CCDC158: variants seen among roughly 807,000 people sequenced by gnomAD.
CCDC158 encodes the protein coiled-coil domain containing 158, also known as coiled-coil domain-containing protein 158.
A neutral mutation model predicts 138.6 loss-of-function variants in CCDC158; 116 were observed. The ratio of observed to expected loss-of-function variants is 0.84; its 90% confidence interval spans 0.72 to 0.98. The LOEUF (loss-of-function observed/expected upper bound fraction) is 0.98, where lower values mean the gene tolerates loss of function less well. Ranked by LOEUF, CCDC158 falls within the 50% of genes least tolerant of loss-of-function variation. CCDC158 has a pLI of 0.00. For missense variants in CCDC158, 1,265 were observed against 1,306.1 expected (o/e 0.97, Z 0.48); for synonymous variants, 436 against 442.4 (o/e 0.99, Z 0.18).
At chr4:76,321,923 G>A (rs1414208803) in intron 24 of CCDC158, among the ~76,000 whole-genome samples, 2 of 151,382 alleles carry the variant, frequency 1.3e-5, no homozygotes, top group Non-Finnish European at 2.9e-5. Flanking sequence ...AACAAACATT[G>A]TATGTTCTCA....
Position 76,334,107 on chromosome 4 carries a change from G to T in CCDC158, c.2725C>A (p.Gln909Lys). 1.2e-6 allele frequency: 2 copies of T among 1,613,384 alleles called. No homozygotes were observed. The highest frequency in any genetic ancestry group is 1.7e-6 in the Non-Finnish European group (2 of 1,179,412). The change falls in exon 19 of 25, where the codon CAA becomes AAA. Residue 909 changes from glutamine (Q) to lysine (K), a missense_variant. Coordinates refer to ENST00000682701, the MANE Select transcript of CCDC158 (RefSeq NM_001394954.1). ...DPTRDLKQLL[Q>K]ELRSVINEEP... is the part of the protein sequence containing the mutation. Reference sequence around the variant, plus strand: ...TCATTGATCACGCTTCTCAACTCTTGGAGAAGCTGTTTCAGGTCCCTTGTT... The same window carrying T: ...TCATTGATCACGCTTCTCAACTCTTTGAGAAGCTGTTTCAGGTCCCTTGTT...
chr4:76,393,994 G>GATAT (rs1727544498), intron 4 of CCDC158, among the ~76,000 whole-genome samples: 1 of 152,034 alleles, frequency 6.6e-6, no homozygotes. Flanking sequence ...TGCTGGCAAG[G>GATAT]ATATGGAGAA....
At chr4:76,343,041 G>T (rs184074813) in intron 18 of CCDC158, among the ~76,000 whole-genome samples, 1 of 152,134 alleles carries the variant, frequency 6.6e-6, no homozygotes, top group Non-Finnish European at 1.5e-5. Context: ...TTTGGGTAAG[G>T]TTGAACCAAA....
In CCDC158 at chr4:76,370,812, T is replaced by C. The variant is rs939442098; in HGVS notation, c.1149+605A>G. On this transcript the variant is annotated intron_variant, in intron 10 of 24. Transcript: ENST00000682701. ...CTCTACACAGCTCTCAGTTCTATCC[T>C]TACCTCAGCTCATCAAACCCTTGTC... 2.6e-5 allele frequency among the ~76,000 whole-genome samples: 4 copies of C among 152,326 alleles called. No homozygotes were observed. The South Asian group carries it at 8.3e-4, about 32-fold the overall frequency.
At chr4:76,315,396 A>C (rs1458214309) in intron 24 of CCDC158, among the ~76,000 whole-genome samples, 1 of 152,188 alleles carries the variant, frequency 6.6e-6, no homozygotes, top group Non-Finnish European at 1.5e-5. Flanking sequence ...TCACCCGATA[A>C]ACCCAAATAC....
chr4:76,329,532 C>A (rs916694476), intron 21 of CCDC158, among the ~76,000 whole-genome samples: 1 of 152,020 alleles, frequency 6.6e-6, no homozygotes, highest in African/African-American at 2.4e-5. Context: ...TGCAGTGAGC[C>A]GAGATCACGC....
intron 18 of CCDC158, chr4:76,344,565 C>G: frequency 2.7e-6 from 3 of 1,105,448 alleles, no homozygotes; most frequent in Middle Eastern, 2.9e-4. Context: ...ATCTGTATCT[C>G]TGGACCTGAA....
chr4:76,377,867 A>C (rs767542400), intron 9 of CCDC158, among the ~76,000 whole-genome samples: 2 of 152,212 alleles, frequency 1.3e-5, no homozygotes, highest in Non-Finnish European at 2.9e-5. Flanking sequence ...CCCCCAATAA[A>C]TTATGAAATC....
At chr4:76,328,618 G>A (rs1353246496) in intron 22 of CCDC158, among the ~76,000 whole-genome samples, 1 of 152,170 alleles carries the variant, frequency 6.6e-6, no homozygotes, top group Admixed American at 6.5e-5. Context: ...TGACAATTAA[G>A]TCCCACTGGG....
At chr4:76,374,310 A>G (rs1381837974) in intron 9 of CCDC158, among the ~76,000 whole-genome samples, 1 of 152,222 alleles carries the variant, frequency 6.6e-6, no homozygotes, top group African/African-American at 2.4e-5. Flanking sequence ...CACTTTTGTT[A>G]TTATCAGGAA....
At position 76,371,460 on chromosome 4, in the gene CCDC158, C is replaced by A. The variant is rs377168155; in HGVS notation, c.1106G>T (p.Ser369Ile). 1 of 1,614,092 alleles carries A rather than the reference C, an allele frequency of 6.2e-7. No individual in the cohort carries two copies. The highest frequency in any genetic ancestry group is 1.1e-5 in the South Asian group (1 of 91,076). ...TEARTERDQF[S>I]QESGNLDDQL... ...ATCATCTAAATTTCCAGATTCCTGA[C>A]TGAATTGATCACGCTCTGTCCGGGC... The change falls in exon 10 of 25, where the codon AGT (serine) becomes ATT (isoleucine). Residue 369 changes from serine to isoleucine, a missense_variant. Ser to Ile is a moderately radical substitution (Grantham distance 142). Coordinates refer to ENST00000682701, the MANE Select transcript of CCDC158 (RefSeq NM_001394954.1).
Position 76,328,908 on chromosome 4 carries a change from G to A in CCDC158, c.3002C>T (p.Thr1001Ile), listed in dbSNP as rs750186591. The A allele has an allele frequency of 5.0e-6, 8 of 1,613,470 alleles. No homozygotes were observed. In the South Asian group the frequency reaches 6.6e-5, roughly 13 times the overall value. ...REDPSGCFTF[T>I]SAASPSVKNS... ...TTTCATTGGAAACTCACCTGCAGAT[G>A]TGAATGTGAAGCAACCAGAGGGATC... Residue 1001 changes from threonine to isoleucine, a missense_variant, in exon 22 of 25, where the codon ACA becomes ATA. Coordinates refer to ENST00000682701, the MANE Select transcript of CCDC158 (RefSeq NM_001394954.1).
At chr4:76,372,214 G>A (rs1725314186) in intron 9 of CCDC158, among the ~76,000 whole-genome samples, 1 of 152,214 alleles carries the variant, frequency 6.6e-6, no homozygotes, top group East Asian at 1.9e-4. Flanking sequence ...CAAGGCAGGA[G>A]GATCCCTTGA....
intron 4 of CCDC158, among the ~76,000 whole-genome samples, chr4:76,391,055 T>G (rs1727268487): frequency 6.6e-6 from 1 of 151,984 alleles, no homozygotes; most frequent in Non-Finnish European, 1.5e-5. Context: ...CACCCCACTT[T>G]CAGGACTGGA....
chr4:76,419,639 T>C (rs917390581), intron 1 of CCDC158, among the ~76,000 whole-genome samples: 1 of 152,092 alleles, frequency 6.6e-6, no homozygotes, highest in African/African-American at 2.4e-5. Context: ...TGTGGTCACA[T>C]TGCCTTCTCT....
intron 9 of CCDC158, among the ~76,000 whole-genome samples, chr4:76,371,810 C>A (rs529744861): frequency 2.0e-5 from 3 of 151,814 alleles, no homozygotes; most frequent in African/African-American, 4.8e-5. Context: ...TGGTAGTGGG[C>A]GCCTGTAATC....
intron 4 of CCDC158, among the ~76,000 whole-genome samples, chr4:76,395,097 G>A (rs1727655593): frequency 6.6e-6 from 1 of 152,140 alleles, no homozygotes; most frequent in African/African-American, 2.4e-5. Context: ...GGCCAATTAA[G>A]TGTCATATAC....
chr4:76,319,640 C>T (rs559398525), intron 24 of CCDC158, among the ~76,000 whole-genome samples: 41 of 150,664 alleles, frequency 2.7e-4, no homozygotes, highest in Non-Finnish European at 5.0e-4. Context: ...GTTTAACCTA[C>T]TCAAGTTGAT....
At chr4:76,327,417 T>C (rs563647110) in intron 22 of CCDC158, among the ~76,000 whole-genome samples, 1 of 152,284 alleles carries the variant, frequency 6.6e-6, no homozygotes, top group East Asian at 1.9e-4. Context: ...GCAACCATCA[T>C]AGAGTATACT....
Sources: allele counts gnomAD v4.1 joint callset (sites outside exome capture counted in the v4.1 genomes callset), GRCh38; gene constraint gnomAD v4.1.1; transcripts MANE v1.5; gene names NCBI Gene and HGNC (gene_info 2026-07-23, HGNC 2026-07-21).